The following SLC34A3 variants were observed in gnomAD, a reference collection of about 807,000 sequenced individuals.
SLC34A3 encodes solute carrier family 34 member 3, also known as sodium-dependent phosphate transport protein 2C.
A neutral mutation model predicts 43.9 loss-of-function variants in SLC34A3; 60 were observed. The observed-to-expected ratio is 1.37, with a 90% CI of 1.11 to 1.70. The LOEUF (loss-of-function observed/expected upper bound fraction) is 1.70, where lower values mean the gene tolerates loss of function less well. SLC34A3 is among the 40% of genes most tolerant of loss of function. SLC34A3 has a pLI of 0.00. For synonymous variants in SLC34A3, 451 were observed against 386.2 expected (o/e 1.17, Z -1.97); for missense variants, 969 against 823.8 (o/e 1.18, Z -2.16).
At position 137,236,484 on chromosome 9, in the gene SLC34A3, G is replaced by C. The variant is rs1014119620; in HGVS notation, c.*68G>C. 7.3e-7 allele frequency: 1 copy of C among 1,363,618 alleles called. No homozygotes were observed. The highest frequency in any genetic ancestry group is 1.4e-5 in the African/African-American group (1 of 69,198). The allele number at this position is 1,363,618 out of a possible 1,614,324, so 84.5% of individuals were successfully genotyped here. A position where few individuals can be genotyped will look rare whatever the true frequency, so the allele number is the denominator to read the frequency against. ...AGGGCTCTGGAGGGCCCTGGAGGGG[G>C]GGTCCCCGCGGCAGCTGACCTCCGG... is the stretch of plus-strand genomic sequence containing the variant. On this transcript the variant is annotated 3_prime_UTR_variant, in exon 13 of 13. Coordinates refer to ENST00000673835, the MANE Select transcript of SLC34A3 (RefSeq NM_001177316.2).
rs1379322305 is a variant in SLC34A3 at position 137,233,570 on chromosome 9, C to T, written c.757-63C>T. On this transcript the variant is annotated intron_variant, in intron 7 of 12. Coordinates refer to ENST00000673835, the MANE Select transcript of SLC34A3 (RefSeq NM_001177316.2). ...GGGCTGGGCTGGACCCCGCGGGCGC[C>T]AGAGCCCCGGGTGAGTCCTGAGAGA... is the stretch of plus-strand genomic sequence containing the variant. 5 of 1,582,348 alleles carry T rather than the reference C, an allele frequency of 3.2e-6. No individual in the cohort carries two copies. In the African/African-American group the frequency reaches 5.4e-5, roughly 17 times the overall value.
chr9:137,232,789 G>C lies in SLC34A3; in HGVS notation c.310G>C (p.Val104Leu). ...CACCTCTCTTGCCGGTGTAGGCAAAGTGGCCGGAGACATCTTCAAGGACAA... is the reference window on the plus strand; with the variant it reads ...CACCTCTCTTGCCGGTGTAGGCAAACTGGCCGGAGACATCTTCAAGGACAA... ...SSAFQLLGSKVAGDIFKDNVV... is the reference protein window; with the variant it reads ...SSAFQLLGSKLAGDIFKDNVV... The change falls in exon 5 of 13, where the codon GTG (valine) becomes CTG (leucine). Residue 104 changes from valine to leucine, a missense_variant. By Grantham distance (32) the Val-to-Leu change is conservative. Transcript: ENST00000673835. The C allele has an allele frequency of 6.2e-7, 1 of 1,613,096 alleles. No individual in the cohort carries two copies.
At chr9:137,231,874 G>A (rs1224615263) in intron 2 of SLC34A3, 87 bp downstream of exon 2, 21 of 1,280,692 alleles carry the variant, frequency 1.6e-5, no homozygotes, top group Admixed American at 6.8e-5. Context: ...GGTTTCCTGC[G>A]GGCCTCCCGG....
chr9:137,231,511 G>A (rs2131400516), intron 1 of SLC34A3, 153 bp from the exon 2 acceptor site: 1 of 633,576 alleles, frequency 1.6e-6, no homozygotes, highest in Non-Finnish European at 2.9e-6. Flanking sequence ...TGTGGATGGA[G>A]AAAGGGGGAT....
At chr9:137,229,942 G>A (rs1005072533), upstream of SLC34A3, among the ~76,000 whole-genome samples, 5 of 152,056 alleles carry the variant, frequency 3.3e-5, no homozygotes, top group Non-Finnish European at 7.4e-5. Context: ...GGAGCCCCAG[G>A]GAAGGACTGC....
intron 7 of SLC34A3, 74 bp from the exon 8 acceptor site, chr9:137,233,559 C>T (rs1024413477): frequency 1.3e-6 from 2 of 1,565,660 alleles, no homozygotes; most frequent in African/African-American, 1.4e-5. Context: ...TGGGCTGGAC[C>T]CCGCGGGCGC....
Position 137,232,926 on chromosome 9 carries a change from G to C in SLC34A3, c.447G>C (p.Lys149Asn). 6.2e-7 allele frequency: 1 copy of C among 1,607,158 alleles called. No homozygotes were observed. Among genetic ancestry groups the C allele is most frequent in the Non-Finnish European group, 8.5e-7 (1 of 1,177,248 alleles). ...TCGTGGTCAGCATGGTGGCTGCTAA[G>C]CGTGGGTGCACACTCCCTCCCCGGG... ...SSIVVSMVAA[K>N]LLTVRVSVPI... Residue 149 changes from lysine to asparagine, a missense_variant and splice_region_variant, in exon 5 of 13, where the codon AAG (lysine) becomes AAC (asparagine). Transcript: ENST00000673835.
At chr9:137,233,426 G>C (rs771171990) in intron 7 of SLC34A3, 22 bp downstream of exon 7, 2 of 1,590,290 alleles carry the variant, frequency 1.3e-6, no homozygotes, top group African/African-American at 1.3e-5. Context: ...CACCGCCCCC[G>C]CCCAGAGAGC....
In SLC34A3 at chr9:137,231,648, G is replaced by T. The variant is rs141097884; in HGVS notation, c.-39-16G>T. 7 of 1,422,276 alleles carry T rather than the reference G, an allele frequency of 4.9e-6. No homozygotes were observed. In the East Asian group the frequency reaches 1.4e-4, roughly 28 times the overall value. 88.1% of individuals were successfully genotyped at this position (1,422,276 alleles called of 1,614,324 possible). On this transcript the variant is annotated splice_polypyrimidine_tract_variant and intron_variant, in intron 1 of 12. Coordinates refer to ENST00000673835, the MANE Select transcript of SLC34A3 (RefSeq NM_001177316.2). ...GCAGGAGGAAATGTCTCTGACACGC[G>T]CGTCCCCCCCAGCAGATCTAGACCT...
chr9:137,230,036 CA>C (rs1164659328), upstream of SLC34A3, among the ~76,000 whole-genome samples: 3 of 152,164 alleles, frequency 2.0e-5, no homozygotes, highest in African/African-American at 7.2e-5. Flanking sequence ...CTACCTTCTC[CA>C]GGGCAAAGTC....
chr9:137,236,000 T>C lies in SLC34A3; in HGVS notation c.1384T>C (p.Tyr462His), dbSNP rs1329546454. 2 of 1,612,570 alleles carry C rather than the reference T, an allele frequency of 1.2e-6. No homozygotes were observed. Among genetic ancestry groups the C allele is most frequent in the South Asian group, 2.2e-5 (2 of 91,080 alleles). Residue 462 changes from tyrosine (Y) to histidine (H), a missense_variant, in exon 13 of 13, where the codon TAC (tyrosine) becomes CAC (histidine). Coordinates refer to ENST00000673835, the MANE Select transcript of SLC34A3 (RefSeq NM_001177316.2). ...CAACCTGGCCGGCATCCTGCTGTGG[T>C]ACCTGGTGCCTGCACTGCGGCTGCC... ...FFNLAGILLWYLVPALRLPIP... is the reference protein window; with the variant it reads ...FFNLAGILLWHLVPALRLPIP...
In SLC34A3 at chr9:137,233,713, G is replaced by T. The variant is rs368153798; in HGVS notation, c.837G>T (p.Thr279=). The change falls in exon 8 of 13, where the codon ACG becomes ACT. Residue 279 remains threonine, a synonymous_variant. Coordinates refer to ENST00000673835, the MANE Select transcript of SLC34A3 (RefSeq NM_001177316.2). ...TCATTAAGCACTGGTGCGGCACCAC[G>T]GGGCAGCCGGTGAGGCACCCAACCC... ...SSLIKHWCGT[T]GQPTQENSSC... 9 of 1,612,374 alleles carry T rather than the reference G, an allele frequency of 5.6e-6. No homozygotes were observed. Among genetic ancestry groups the T allele is most frequent in the Admixed American group, 1.7e-5 (1 of 59,988 alleles).
rs1384165717 is a variant in SLC34A3, at chr9:137,236,331, G to A, written c.1715G>A (p.Cys572Tyr). 2.6e-6 allele frequency: 4 copies of A among 1,541,984 alleles called. No individual in the cohort carries two copies. Among genetic ancestry groups the A allele is most frequent in the East Asian group, 4.9e-5 (2 of 40,876 alleles). Residue 572 changes from cysteine to tyrosine, a missense_variant, in exon 13 of 13, where the codon TGC becomes TAC. Transcript: ENST00000673835. ...WDRLVTRCCP[C>Y]NVCSPPKATT... Reference sequence around the variant, plus strand: ...CGCCTGGTGACCCGCTGCTGCCCCTGCAACGTCTGCAGCCCCCCGAAGGCC... The same window carrying A: ...CGCCTGGTGACCCGCTGCTGCCCCTACAACGTCTGCAGCCCCCCGAAGGCC...
chr9:137,231,398 A>T (rs1836205585), intron 1 of SLC34A3, among the ~76,000 whole-genome samples: 1 of 152,174 alleles, frequency 6.6e-6, no homozygotes, highest in African/African-American at 2.4e-5. Context: ...CCTTCCAGTC[A>T]GGACCAGCAA....
intron 8 of SLC34A3, 57 bp downstream of exon 8, chr9:137,233,779 T>TTGGGCCCCC: frequency 3.0e-5 from 44 of 1,445,580 alleles, no homozygotes; most frequent in East Asian, 4.7e-5. Context: ...TGCTGAGTCA[T>TTGGGCCCCC]CCCGCCCCAC....
rs148026048 is a variant in SLC34A3 at position 137,232,890 on chromosome 9, G to A, written c.411G>A (p.Thr137=). The change falls in exon 5 of 13, where the codon ACG becomes ACA. Residue 137 remains threonine (T), a synonymous_variant. Coordinates refer to ENST00000673835, the MANE Select transcript of SLC34A3 (RefSeq NM_001177316.2). ...LVTALVQSSS[T]SSSIVVSMVA... is the part of the protein sequence containing the mutation. Reference sequence around the variant, plus strand: ...CAGCCCTGGTGCAGAGTTCCAGCACGTCCTCCTCCATCGTGGTCAGCATGG... The same window carrying A: ...CAGCCCTGGTGCAGAGTTCCAGCACATCCTCCTCCATCGTGGTCAGCATGG... The A allele has an allele frequency of 2.5e-5, 40 of 1,610,566 alleles. No homozygotes were observed. In the African/African-American group the frequency reaches 4.5e-4, roughly 18 times the overall value.
chr9:137,234,520 G>C lies in SLC34A3; in HGVS notation c.1198G>C (p.Val400Leu), dbSNP rs748862410. Residue 400 changes from valine (V) to leucine (L), a missense_variant, in exon 11 of 13, where the codon GTG becomes CTG. By Grantham distance (32) the Val-to-Leu change is conservative. Coordinates refer to ENST00000673835, the MANE Select transcript of SLC34A3 (RefSeq NM_001177316.2). The surrounding 1 kb of genome is among the most constrained non-coding windows in gnomAD (Gnocchi z 6.9). Reference sequence around the variant, plus strand: ...CAGCAGCGTCTTCACGGCGGCCGTCGTGCCCCTCATGGGTGAGCAGGCAGG... The same window carrying C: ...CAGCAGCGTCTTCACGGCGGCCGTCCTGCCCCTCATGGGTGAGCAGGCAGG... ...QSSSVFTAAV[V>L]PLMGVGVISL... 4.5e-5 allele frequency: 73 copies of C among 1,605,332 alleles called. No individual in the cohort carries two copies. The highest frequency in any genetic ancestry group is 5.9e-5 in the Non-Finnish European group (69 of 1,177,692).
intron 2 of SLC34A3, 97 bp from the exon 3 acceptor site, chr9:137,231,975 C>T: frequency 1.6e-6 from 2 of 1,280,026 alleles, no homozygotes; most frequent in East Asian, 2.3e-5. Flanking sequence ...CACTCCAGGC[C>T]TCTTACGCCT....
At chr9:137,235,800 C>T (rs954955489) in intron 12 of SLC34A3, 152 bp from the exon 13 acceptor site, 9 of 724,860 alleles carry the variant, frequency 1.2e-5, no homozygotes, top group Non-Finnish European at 2.1e-5. Flanking sequence ...CATCTGGCCA[C>T]AGCCCGCCTC....
Sources: gnomAD v4.1 joint callset for allele counts (sites outside exome capture counted in the v4.1 genomes callset) on GRCh38, gnomAD v4.1.1 for gene constraint, Gnocchi (gnomAD v3.1) non-coding constraint, MANE v1.5 for transcripts, NCBI Gene and HGNC (gene_info 2026-07-23, HGNC 2026-07-21) for gene names.